Variants in OR2M3 observed in about 807,000 individuals in gnomAD.
The protein encoded by OR2M3 is olfactory receptor family 2 subfamily M member 3, also known as olfactory receptor 2M3.
A neutral mutation model predicts 4.3 loss-of-function variants in OR2M3; 1 was observed. The observed-to-expected ratio is 0.23, with a 90% CI of 0.08 to 1.11. OR2M3 has a LOEUF of 1.11. OR2M3 is among the 50% of genes most tolerant of loss of function. OR2M3 has a pLI of 0.54. For synonymous variants in OR2M3, 151 were observed against 139.4 expected (o/e 1.08, Z -0.59); for missense variants, 410 against 390.4 (o/e 1.05, Z -0.42).
intron 1 of OR2M3, among the ~76,000 whole-genome samples, chr1:248,197,525 A>G (rs2103012316): frequency 1.3e-5 from 2 of 152,296 alleles, no homozygotes; most frequent in South Asian, 4.1e-4. Context: ...TATCAGTGTG[A>G]AAGATTGGAT....
At chr1:248,201,364 T>C (rs988320430) in intron 1 of OR2M3, among the ~76,000 whole-genome samples, 1 of 152,112 alleles carries the variant, frequency 6.6e-6, no homozygotes, top group Admixed American at 6.6e-5. Context: ...GACTACTCTA[T>C]TCAAAGTTGA....
rs915552100 is a variant in OR2M3, at chr1:248,206,435, T to C, written c.*2429T>C. On this transcript the variant is annotated 3_prime_UTR_variant, in exon 2 of 2. Coordinates refer to ENST00000641626, the MANE Select transcript of OR2M3 (RefSeq NM_001004689.2). The stretch of plus-strand genomic sequence containing the variant: ...CTTTCAGTATAATGTTTGCTGTGGA[T>C]TTCTCATAGAAGGCTTTGATTACCT... 2.0e-5 allele frequency: 3 copies of C among 152,086 alleles called. No individual in the cohort carries two copies. The highest frequency in any genetic ancestry group is 4.4e-5 in the Non-Finnish European group (3 of 67,988). 9.4% of individuals were successfully genotyped at this position (152,086 alleles called of 1,614,324 possible).
rs756938423 is a variant in OR2M3, at chr1:248,203,104, A to T, written c.37A>T (p.Ile13Phe). The change falls in exon 2 of 2, where the codon ATC becomes TTC. Residue 13 changes from isoleucine (I) to phenylalanine (F), a missense_variant. Physicochemically the swap from Ile to Phe is conservative, Grantham distance 21. Transcript: ENST00000641626. ...GAATTCGACCTTCAACTCCGACTTC[A>T]TCCTCCTGGGAATCTTCAATCACAG... is the stretch of plus-strand genomic sequence containing the variant. ...RENSTFNSDF[I>F]LLGIFNHSPT... is the part of the protein sequence containing the mutation. The T allele has an allele frequency of 1.9e-6, 3 of 1,613,742 alleles. No individual in the cohort carries two copies. Among genetic ancestry groups the T allele is most frequent in the African/African-American group, 1.3e-5 (1 of 74,894 alleles).
At chr1:248,198,609 A>G (rs1207391604) in intron 1 of OR2M3, among the ~76,000 whole-genome samples, 5 of 152,138 alleles carry the variant, frequency 3.3e-5, no homozygotes, top group Non-Finnish European at 7.4e-5. Flanking sequence ...TTTTTTGATC[A>G]AATTCTGGCC....
In OR2M3 at chr1:248,208,338, T is replaced by C. The variant is rs1666245233; in HGVS notation, c.*4332T>C. 6.6e-6 allele frequency: 1 copy of C among 152,184 alleles called. No homozygotes were observed. Among genetic ancestry groups the C allele is most frequent in the African/African-American group, 2.4e-5 (1 of 41,442 alleles). The allele number at this position is 152,184 out of a possible 1,614,324, so 9.4% of individuals were successfully genotyped here. A position where few individuals can be genotyped will look rare whatever the true frequency, so the allele number is the denominator to read the frequency against. On this transcript the variant is annotated 3_prime_UTR_variant, in exon 2 of 2. Coordinates refer to ENST00000641626, the MANE Select transcript of OR2M3 (RefSeq NM_001004689.2). ...TCGGAATTGAGATGTGAGGTACTAT[T>C]CTATACATCGTGCTATTTGTTACCT...
At chr1:248,201,909 T>C (rs893850975) in intron 1 of OR2M3, among the ~76,000 whole-genome samples, 6 of 152,114 alleles carry the variant, frequency 3.9e-5, no homozygotes, top group Non-Finnish European at 7.4e-5. Context: ...ATCACTGTGG[T>C]AGCCACAGTG....
At position 248,207,723 on chromosome 1, in the gene OR2M3, T is replaced by C. The variant is rs1666238523; in HGVS notation, c.*3717T>C. On this transcript the variant is annotated 3_prime_UTR_variant, in exon 2 of 2. Transcript: ENST00000641626. Reference sequence around the variant, plus strand: ...ATTCACTGAGACTTGTTTTTTGGCCTATCATATGGTCTATCTTGGAGAATG... The same window carrying C: ...ATTCACTGAGACTTGTTTTTTGGCCCATCATATGGTCTATCTTGGAGAATG... 6.6e-6 allele frequency: 1 copy of C among 152,120 alleles called. No individual in the cohort carries two copies. The highest frequency in any genetic ancestry group is 2.1e-4 in the South Asian group (1 of 4,834). The allele number at this position is 152,120 out of a possible 1,614,324, so 9.4% of individuals were successfully genotyped here.
In OR2M3 at chr1:248,203,393, G is replaced by A. The variant is rs937554777; in HGVS notation, c.326G>A (p.Gly109Asp). The change falls in exon 2 of 2, where the codon GGC (glycine) becomes GAC (aspartate). Residue 109 changes from glycine to aspartate, a missense_variant. Physicochemically the swap from Gly to Asp is moderately conservative, Grantham distance 94. Coordinates refer to ENST00000641626, the MANE Select transcript of OR2M3 (RefSeq NM_001004689.2). ...TQIFFYTSLL[G>D]SECFLLAVMA... ...ATTTTCTTCTATACATCACTGCTTG[G>A]CTCTGAGTGCTTTCTTTTGGCTGTT... 6.2e-7 allele frequency: 1 copy of A among 1,614,018 alleles called. No individual in the cohort carries two copies. The highest frequency in any genetic ancestry group is 1.3e-5 in the African/African-American group (1 of 74,980).
In OR2M3 at chr1:248,203,957, T is replaced by G. The variant is rs1180873930; in HGVS notation, c.890T>G (p.Val297Gly). 1 of 1,613,806 alleles carries G rather than the reference T, an allele frequency of 6.2e-7. No individual in the cohort carries two copies. The highest frequency in any genetic ancestry group is 1.7e-5 in the Admixed American group (1 of 59,960). ...ATCTACAGCCTCCGCAACAAGGAGG[T>G]GACCAGAGCATTCATGAAGATCTTA... is the stretch of plus-strand genomic sequence containing the variant. ...PLIYSLRNKE[V>G]TRAFMKILGK... Residue 297 changes from valine to glycine, a missense_variant, in exon 2 of 2, where the codon GTG (valine) becomes GGG (glycine). Transcript: ENST00000641626.
Position 248,211,519 on chromosome 1 carries a change from A to T in OR2M3, c.*7513A>T, listed in dbSNP as rs1186788287. ...TCAAATGTAAGTATATTTTTACATA[A>T]TAGTAATTTTTTTTTTTTTTTAATT... On this transcript the variant is annotated 3_prime_UTR_variant, in exon 2 of 2. Coordinates refer to ENST00000641626, the MANE Select transcript of OR2M3 (RefSeq NM_001004689.2). The T allele has an allele frequency of 5.3e-5, 8 of 151,728 alleles. No individual in the cohort carries two copies. Among genetic ancestry groups the T allele is most frequent in the African/African-American group, 1.9e-4 (8 of 41,264 alleles). The allele number at this position is 151,728 out of a possible 1,614,324, so 9.4% of individuals were successfully genotyped here. A position where few individuals can be genotyped will look rare whatever the true frequency, so the allele number is the denominator to read the frequency against.
chr1:248,205,848 G>A lies in OR2M3; in HGVS notation c.*1842G>A, dbSNP rs1666218826. 1 of 152,018 alleles carries A rather than the reference G, an allele frequency of 6.6e-6. No homozygotes were observed. Among genetic ancestry groups the A allele is most frequent in the African/African-American group, 2.4e-5 (1 of 41,378 alleles). 9.4% of individuals were successfully genotyped at this position (152,018 alleles called of 1,614,324 possible). A position where few individuals can be genotyped will look rare whatever the true frequency, so the allele number is the denominator to read the frequency against. ...AAGAAGGATGGTGATATTTTAGTGG[G>A]AATTGCATTGAATTTGTAAATTGCT... On this transcript the variant is annotated 3_prime_UTR_variant, in exon 2 of 2. Transcript: ENST00000641626.
rs943894771 is a variant in OR2M3 at position 248,208,815 on chromosome 1, T to C, written c.*4809T>C. Reference sequence around the variant, plus strand: ...CTTGTTATGTACCTAGGGAATGATCTTTTTGTCATGAATTTCCCAGGTGTT... The same window carrying C: ...CTTGTTATGTACCTAGGGAATGATCCTTTTGTCATGAATTTCCCAGGTGTT... On this transcript the variant is annotated 3_prime_UTR_variant, in exon 2 of 2. Coordinates refer to ENST00000641626, the MANE Select transcript of OR2M3 (RefSeq NM_001004689.2). 1 of 152,168 alleles carries C rather than the reference T, an allele frequency of 6.6e-6. No homozygotes were observed. Among genetic ancestry groups the C allele is most frequent in the Admixed American group, 6.6e-5 (1 of 15,260 alleles). 9.4% of individuals were successfully genotyped at this position (152,168 alleles called of 1,614,324 possible). A position where few individuals can be genotyped will look rare whatever the true frequency, so the allele number is the denominator to read the frequency against.
chr1:248,200,522 G>A (rs1666144297), intron 1 of OR2M3, among the ~76,000 whole-genome samples: 1 of 152,042 alleles, frequency 6.6e-6, no homozygotes, highest in Non-Finnish European at 1.5e-5. Context: ...CCAATAATCA[G>A]CTTTATCCAA....
intron 1 of OR2M3, among the ~76,000 whole-genome samples, chr1:248,199,764 ATGATATACCT>A (rs1206358861): frequency 3.3e-5 from 5 of 152,142 alleles, no homozygotes; most frequent in Non-Finnish European, 7.4e-5. Flanking sequence ...TTATAAATTT[ATGATATACCT>A]TGCCATATTC....
In OR2M3 at chr1:248,203,357, G is replaced by A; in HGVS notation, c.290G>A (p.Cys97Tyr). The change falls in exon 2 of 2, where the codon TGT (cysteine) becomes TAT (tyrosine). Residue 97 changes from cysteine (C) to tyrosine (Y), a missense_variant. Cys to Tyr is a radical substitution (Grantham distance 194, BLOSUM62 -2). Transcript: ENST00000641626. Reference protein sequence around the residue: ...SGSKSISMAGCATQIFFYTSL... With the variant: ...SGSKSISMAGYATQIFFYTSL... ...AGCAAGTCCATTTCTATGGCTGGTTGTGCCACACAAATTTTCTTCTATACA... is the reference window on the plus strand; with the variant it reads ...AGCAAGTCCATTTCTATGGCTGGTTATGCCACACAAATTTTCTTCTATACA... 6.2e-7 allele frequency: 1 copy of A among 1,614,082 alleles called. No homozygotes were observed. Among genetic ancestry groups the A allele is most frequent in the Non-Finnish European group, 8.5e-7 (1 of 1,180,006 alleles).
At chr1:248,199,246 A>G (rs1666130577) in intron 1 of OR2M3, among the ~76,000 whole-genome samples, 1 of 152,104 alleles carries the variant, frequency 6.6e-6, no homozygotes, top group African/African-American at 2.4e-5. Context: ...GTACCTCATT[A>G]TGTGAATACT....
At position 248,210,335 on chromosome 1, in the gene OR2M3, G is replaced by T. The variant is rs1666269630; in HGVS notation, c.*6329G>T. On this transcript the variant is annotated 3_prime_UTR_variant, in exon 2 of 2. Coordinates refer to ENST00000641626, the MANE Select transcript of OR2M3 (RefSeq NM_001004689.2). ...TCAGGGAGCCTGCAGTGGTGATCCA[G>T]TTCCTTCAAAGGATCTGTGGATTCT... The T allele has an allele frequency of 1.3e-5, 2 of 152,628 alleles. No individual in the cohort carries two copies. The highest frequency in any genetic ancestry group is 2.1e-4 in the South Asian group (1 of 4,828). 9.5% of individuals were successfully genotyped at this position (152,628 alleles called of 1,614,324 possible). A position where few individuals can be genotyped will look rare whatever the true frequency, so the allele number is the denominator to read the frequency against.
Position 248,210,690 on chromosome 1 carries a change from A to G in OR2M3, c.*6684A>G, listed in dbSNP as rs1666273454. ...TTCTTTGTAATCTCCCCAACTCTTA[A>G]GAAGGTTCTTTGTAATTCTCCCCAC... is the stretch of plus-strand genomic sequence containing the variant. On this transcript the variant is annotated 3_prime_UTR_variant, in exon 2 of 2. Coordinates refer to ENST00000641626, the MANE Select transcript of OR2M3 (RefSeq NM_001004689.2). 6.6e-6 allele frequency: 1 copy of G among 152,156 alleles called. No homozygotes were observed. Among genetic ancestry groups the G allele is most frequent in the African/African-American group, 2.4e-5 (1 of 41,364 alleles). The allele number at this position is 152,156 out of a possible 1,614,324, so 9.4% of individuals were successfully genotyped here.
Position 248,203,960 on chromosome 1 carries a change from C to A in OR2M3, c.893C>A (p.Thr298Asn). 6.2e-7 allele frequency: 1 copy of A among 1,613,832 alleles called. No individual in the cohort carries two copies. Among genetic ancestry groups the A allele is most frequent in the Non-Finnish European group, 8.5e-7 (1 of 1,179,890 alleles). Residue 298 changes from threonine (T) to asparagine (N), a missense_variant, in exon 2 of 2, where the codon ACC (threonine) becomes AAC (asparagine). Transcript: ENST00000641626. Reference sequence around the variant, plus strand: ...TACAGCCTCCGCAACAAGGAGGTGACCAGAGCATTCATGAAGATCTTAGGA... The same window carrying A: ...TACAGCCTCCGCAACAAGGAGGTGAACAGAGCATTCATGAAGATCTTAGGA... ...LIYSLRNKEV[T>N]RAFMKILGKG...
Sources: allele counts gnomAD v4.1 joint callset (sites outside exome capture counted in the v4.1 genomes callset), GRCh38; gene constraint gnomAD v4.1.1; transcripts MANE v1.5; gene names NCBI Gene and HGNC (gene_info 2026-07-23, HGNC 2026-07-21).